PDE1C: variants seen among roughly 807,000 people sequenced by gnomAD.
PDE1C encodes phosphodiesterase 1C.
In PDE1C, 62 loss-of-function variants were observed where a neutral mutation model predicts 93.1. That is an observed-to-expected ratio of 0.67 (90% CI 0.54 to 0.82). The LOEUF is 0.82. Ranked by LOEUF, PDE1C falls within the 40% of genes least tolerant of loss-of-function variation. The pLI is 0.00. For synonymous variants in PDE1C, 325 were observed against 310.1 expected, an observed-to-expected ratio of 1.05 and a Z score of -0.50; for missense variants, 742 against 884.6, an observed-to-expected ratio of 0.84 and a Z score of 2.04.
At chr7:31,617,180 G>A in the PDE1C span, among the ~76,000 whole-genome samples, 1 of 152,108 alleles carries the variant, frequency 6.6e-6, no homozygotes, top group African/African-American at 2.4e-5. Context: ...AGAAAAGCCT[G>A]GAGAAGGGAA....
At chr7:31,909,733 C>T (rs1400751199) in intron 2 of PDE1C, among the ~76,000 whole-genome samples, 2 of 151,944 alleles carry the variant, frequency 1.3e-5, no homozygotes, top group African/African-American at 4.8e-5. Context: ...GTATTATCAC[C>T]ATGTTCATTT....
chr7:31,685,515 G>T, the PDE1C span, among the ~76,000 whole-genome samples: 1 of 152,136 alleles, frequency 6.6e-6, no homozygotes, highest in Non-Finnish European at 1.5e-5. Context: ...ATTTCAGAAG[G>T]AAAGTATATC....
At position 31,757,336 on chromosome 7, in the gene PDE1C, C is replaced by T. The variant is rs541605922; in HGVS notation, c.1961-3783G>A. Among the ~76,000 whole-genome samples the T allele has an allele frequency of 2.0e-5, 3 of 152,268 alleles. No homozygotes were observed. The South Asian group carries it at 6.2e-4, about 32-fold the overall frequency. Reference sequence around the variant, plus strand: ...TATTTTATCTCTTTGGTTGTTTATACTTTCTAATTTTTCTATGATGATCAT... The same window carrying T: ...TATTTTATCTCTTTGGTTGTTTATATTTTCTAATTTTTCTATGATGATCAT... On this transcript the variant is annotated intron_variant, in intron 17 of 17. Coordinates refer to ENST00000396191, the MANE Select transcript of PDE1C (RefSeq NM_001191057.4).
At position 31,766,108 on chromosome 7, in the gene PDE1C, G is replaced by C. The variant is rs546804748; in HGVS notation, c.1960+9556C>G. Among the ~76,000 whole-genome samples the C allele has an allele frequency of 4.7e-4, 71 of 152,256 alleles. 1 individual carries two copies. Among genetic ancestry groups the C allele is most frequent in the South Asian group, 2.7e-3 (13 of 4,816 alleles). On this transcript the variant is annotated intron_variant, in intron 17 of 17. Coordinates refer to ENST00000396191, the MANE Select transcript of PDE1C (RefSeq NM_001191057.4). ...TGTTAAAATATCTGTGGTTGGGCCC[G>C]GCGCGGTGGCTCATGCCTGTAATCT...
rs555527455 is a variant in PDE1C at position 31,753,265 on chromosome 7, A to C, written c.*119T>G. The C allele has an allele frequency of 4.0e-6, 5 of 1,262,632 alleles. No individual in the cohort carries two copies. The Admixed American group carries it at 1.0e-4, about 25-fold the overall frequency. 78.2% of individuals were successfully genotyped at this position (1,262,632 alleles called of 1,614,324 possible). A position where few individuals can be genotyped will look rare whatever the true frequency, so the allele number is the denominator to read the frequency against. On this transcript the variant is annotated 3_prime_UTR_variant, in exon 18 of 18. Transcript: ENST00000396191. ...TCATTTCACCTTGGTGGAGTCAACC[A>C]GGATAGTACCTGCTCCAACAGCCTC... is the stretch of plus-strand genomic sequence containing the variant.
At chr7:32,014,175 C>T (rs1787555583) in intron 2 of PDE1C, among the ~76,000 whole-genome samples, 1 of 152,180 alleles carries the variant, frequency 6.6e-6, no homozygotes, top group Non-Finnish European at 1.5e-5. Flanking sequence ...AATTGGTAAA[C>T]AGGCAAGACA....
intron 1 of PDE1C, among the ~76,000 whole-genome samples, chr7:32,216,160 A>T (rs771712586): frequency 6.6e-6 from 1 of 152,196 alleles, no homozygotes; most frequent in Non-Finnish European, 1.5e-5. Flanking sequence ...AGAAAACAAG[A>T]AGGAATGCTG....
chr7:31,630,611 T>G, the PDE1C span, among the ~76,000 whole-genome samples: 1 of 152,124 alleles, frequency 6.6e-6, no homozygotes, highest in Non-Finnish European at 1.5e-5. Context: ...AAGATCTGCA[T>G]CGAGTATGTC....
intron 1 of PDE1C, among the ~76,000 whole-genome samples, chr7:32,345,413 G>A (rs990380963): frequency 6.6e-5 from 10 of 152,176 alleles, no homozygotes; most frequent in African/African-American, 2.4e-4. Context: ...AACTGCCACC[G>A]TGGCTTCCAA....
chr7:32,221,498 G>A (rs1056769615), intron 1 of PDE1C, among the ~76,000 whole-genome samples: 36 of 152,232 alleles, frequency 2.4e-4, no homozygotes, highest in African/African-American at 8.7e-4. Flanking sequence ...TTGTTAAACT[G>A]CAGATTCATT....
At chr7:32,014,529 T>C (rs1013076049) in intron 2 of PDE1C, among the ~76,000 whole-genome samples, 1 of 152,166 alleles carries the variant, frequency 6.6e-6, no homozygotes, top group African/African-American at 2.4e-5. Context: ...CAGGTATACA[T>C]GTGCCATGGT....
At chr7:31,617,533 A>G in the PDE1C span, among the ~76,000 whole-genome samples, 1 of 152,170 alleles carries the variant, frequency 6.6e-6, no homozygotes, top group Admixed American at 6.5e-5. Flanking sequence ...GTGAGTGGAG[A>G]TAAGAGTTCA....
chr7:31,858,136 C>A (rs542734219), intron 7 of PDE1C, among the ~76,000 whole-genome samples: 1 of 152,210 alleles, frequency 6.6e-6, no homozygotes, highest in East Asian at 1.9e-4. Context: ...CAGAAGCAGA[C>A]AGAAGAGAAA....
chr7:31,961,261 T>C (rs558896248), intron 2 of PDE1C, among the ~76,000 whole-genome samples: 109 of 150,814 alleles, frequency 7.2e-4, no homozygotes, highest in East Asian at 5.1e-3. Flanking sequence ...TATATATATA[T>C]ACACACACAC....
intron 2 of PDE1C, among the ~76,000 whole-genome samples, chr7:31,908,213 T>G (rs1214072799): frequency 6.6e-6 from 1 of 152,236 alleles, no homozygotes; most frequent in Non-Finnish European, 1.5e-5. Context: ...AATATTGCTG[T>G]ATAAACTAGA....
rs1203468583 is a variant in PDE1C, at chr7:32,373,227, T to TAATG, written c.310+54591_310+54594dup. 3.3e-5 allele frequency among the ~76,000 whole-genome samples: 5 copies of TAATG among 152,330 alleles called. No individual in the cohort carries two copies. In the South Asian group the frequency reaches 1.0e-3, roughly 32 times the overall value. ...ACAACCAAAATGTCTGTCTACTGATTAATGGATAAACAAAATGTAGTATAT... is the reference window on the plus strand; with the variant it reads ...ACAACCAAAATGTCTGTCTACTGATTAATGAATGGATAAACAAAATGTAGTATAT... On this transcript the variant is annotated intron_variant, in intron 1 of 1. Coordinates refer to the PDE1C transcript ENST00000672256.
intron 1 of PDE1C, among the ~76,000 whole-genome samples, chr7:32,347,830 G>A (rs191278820): frequency 5.8e-4 from 89 of 152,340 alleles, no homozygotes; most frequent in African/African-American, 2.1e-3. Flanking sequence ...TAAGAATGCA[G>A]TCCAGCCAAT....
At chr7:31,732,199 C>T in the PDE1C span, among the ~76,000 whole-genome samples, 12 of 152,324 alleles carry the variant, frequency 7.9e-5, no homozygotes, top group Middle Eastern at 3.4e-3. Flanking sequence ...CATTTGTTCT[C>T]TTCTTGTGGT....
At chr7:32,425,335 C>T (rs6462366) in intron 1 of PDE1C, among the ~76,000 whole-genome samples, 116,225 of 151,980 alleles carry the variant, frequency 0.76, 44,708 homozygotes, top group Admixed American at 0.82. Context: ...ATTCCAGCTA[C>T]CTAAACCCAC....
Sources: allele counts gnomAD v4.1 joint callset (sites outside exome capture counted in the v4.1 genomes callset), GRCh38; gene constraint gnomAD v4.1.1; transcripts MANE v1.5; gene names NCBI Gene and HGNC (gene_info 2026-07-23, HGNC 2026-07-21).